Variants in OR10Z1 observed in about 807,000 individuals in gnomAD.
OR10Z1 encodes olfactory receptor family 10 subfamily Z member 1.
For missense variants in OR10Z1, 468 were observed against 371.0 expected (o/e 1.26, Z -2.15); for synonymous variants, 187 against 151.2 (o/e 1.24, Z -1.74).
chr1:158,605,576 C>T (rs1240152981), intron 1 of OR10Z1, among the ~76,000 whole-genome samples, 175 bp downstream of exon 1: 8 of 152,112 alleles, frequency 5.3e-5, no homozygotes, highest in Non-Finnish European at 1.0e-4. Context: ...CTACTCTGCC[C>T]AAGGAATTTG....
chr1:158,610,284 C>T lies in OR10Z1; in HGVS notation c.*2904C>T, dbSNP rs539170026. On this transcript the variant is annotated 3_prime_UTR_variant, in exon 2 of 2. Transcript: ENST00000641002. ...GTAAGTGGGGACTATTTGTGCAGAA[C>T]GCTAGCAGTTTTATACACAGCAATT... 10 of 152,194 alleles carry T rather than the reference C, an allele frequency of 6.6e-5. No homozygotes were observed. The highest frequency in any genetic ancestry group is 4.1e-4 in the South Asian group (2 of 4,824). The allele number at this position is 152,194 out of a possible 1,614,324, so 9.4% of individuals were successfully genotyped here. A position where few individuals can be genotyped will look rare whatever the true frequency, so the allele number is the denominator to read the frequency against.
Position 158,606,971 on chromosome 1 carries a change from T to G in OR10Z1, c.533T>G (p.Phe178Cys). The change falls in exon 2 of 2, where the codon TTT (phenylalanine) becomes TGT (cysteine). Residue 178 changes from phenylalanine to cysteine, a missense_variant. Coordinates refer to ENST00000641002, the MANE Select transcript of OR10Z1 (RefSeq NM_001004478.2). ...AGCTCCCATGAAATCCAGCACTTTTTTTGTGACACGCCACCTGTGCTGAGC... is the reference window on the plus strand; with the variant it reads ...AGCTCCCATGAAATCCAGCACTTTTGTTGTGACACGCCACCTGTGCTGAGC... ...FCSSHEIQHF[F>C]CDTPPVLSLA... 6.2e-7 allele frequency: 1 copy of G among 1,614,080 alleles called. No individual in the cohort carries two copies. The highest frequency in any genetic ancestry group is 8.5e-7 in the Non-Finnish European group (1 of 1,179,988).
chr1:158,607,153 T>C lies in OR10Z1; in HGVS notation c.715T>C (p.Ser239Pro), dbSNP rs1649077925. Reference protein sequence around the residue: ...PSAEGQKKAFSTCASHLTVVI... With the variant: ...PSAEGQKKAFPTCASHLTVVI... ...TGCTGAGGGGCAGAAGAAGGCCTTC[T>C]CCACTTGTGCCTCGCACCTTACAGT... The change falls in exon 2 of 2, where the codon TCC becomes CCC. Residue 239 changes from serine (S) to proline (P), a missense_variant. By Grantham distance (74) the Ser-to-Pro change is moderately conservative (BLOSUM62 -1). Transcript: ENST00000641002. 6.2e-7 allele frequency: 1 copy of C among 1,614,090 alleles called. No homozygotes were observed.
At chr1:158,605,453 T>C (rs570485202) in intron 1 of OR10Z1, 52 bp downstream of exon 1, 1 of 152,892 alleles carries the variant, frequency 6.5e-6, no homozygotes, top group South Asian at 2.1e-4. Context: ...GTAGAGTTTT[T>C]GGAGGCAGCA....
In OR10Z1 at chr1:158,607,400, C is replaced by G; in HGVS notation, c.*20C>G. On this transcript the variant is annotated 3_prime_UTR_variant, in exon 2 of 2. Transcript: ENST00000641002. ...GGATGAAGGTTACCCCAATAGGACA[C>G]TTTCTTCTGTGTAGGCTGGGCATAG... 6.3e-6 allele frequency: 10 copies of G among 1,584,564 alleles called. No homozygotes were observed. The highest frequency in any genetic ancestry group is 8.6e-6 in the Non-Finnish European group (10 of 1,157,308).
At position 158,608,275 on chromosome 1, in the gene OR10Z1, T is replaced by G. The variant is rs953401872; in HGVS notation, c.*895T>G. ...GAATCTATTGCAGAACTATCTATTC[T>G]GCCTATTCCACTTTCCACATATAAT... On this transcript the variant is annotated 3_prime_UTR_variant, in exon 2 of 2. Coordinates refer to ENST00000641002, the MANE Select transcript of OR10Z1 (RefSeq NM_001004478.2). The G allele has an allele frequency of 5.9e-5, 9 of 152,208 alleles. 1 individual carries two copies. Among genetic ancestry groups the G allele is most frequent in the African/African-American group, 1.4e-4 (6 of 41,452 alleles). The allele number at this position is 152,208 out of a possible 1,614,324, so 9.4% of individuals were successfully genotyped here. A position where few individuals can be genotyped will look rare whatever the true frequency, so the allele number is the denominator to read the frequency against.
At position 158,607,337 on chromosome 1, in the gene OR10Z1, C is replaced by T; in HGVS notation, c.899C>T (p.Ala300Val). 1.2e-6 allele frequency: 2 copies of T among 1,613,644 alleles called. No homozygotes were observed. The highest frequency in any genetic ancestry group is 1.7e-6 in the Non-Finnish European group (2 of 1,179,712). Reference sequence around the variant, plus strand: ...CTAAGGAATAGGGCTATACAGACAGCTCTGAGGAATGCTTTCAGAGGGAGA... The same window carrying T: ...CTAAGGAATAGGGCTATACAGACAGTTCTGAGGAATGCTTTCAGAGGGAGA... ...YSLRNRAIQT[A>V]LRNAFRGRLL... Residue 300 changes from alanine to valine, a missense_variant, in exon 2 of 2, where the codon GCT becomes GTT. Transcript: ENST00000641002.
In OR10Z1 at chr1:158,611,227, A is replaced by G. The variant is rs998043428; in HGVS notation, c.*3847A>G. On this transcript the variant is annotated 3_prime_UTR_variant, in exon 2 of 2. Coordinates refer to ENST00000641002, the MANE Select transcript of OR10Z1 (RefSeq NM_001004478.2). ...TTTGCCCCCCAGTAAATTTCCCACG[A>G]CACTAAGATTTTCTACGATCCACGA... The G allele has an allele frequency of 2.3e-5, 37 of 1,611,816 alleles. No homozygotes were observed. Among genetic ancestry groups the G allele is most frequent in the Non-Finnish European group, 3.1e-5 (36 of 1,178,684 alleles).
rs780951794 is a variant in OR10Z1 at position 158,606,697 on chromosome 1, G to T, written c.259G>T (p.Gly87Trp). ...CCCTAGAATGCTCTCTGGCCTGGCT[G>T]GGGGGGACCAGGCTATCTCCTATGT... ...IIPRMLSGLAGGDQAISYVGC... is the reference protein window; with the variant it reads ...IIPRMLSGLAWGDQAISYVGC... Residue 87 changes from glycine (G) to tryptophan (W), a missense_variant, in exon 2 of 2, where the codon GGG (glycine) becomes TGG (tryptophan). Transcript: ENST00000641002. 12 of 1,613,580 alleles carry T rather than the reference G, an allele frequency of 7.4e-6. No homozygotes were observed. The East Asian group carries it at 1.1e-4, about 15-fold the overall frequency.
Position 158,606,457 on chromosome 1 carries a change from ACCT to A in OR10Z1, c.23_25del (p.Ser8del), listed in dbSNP as rs763460505. 7 of 1,612,952 alleles carry A rather than the reference ACCT, an allele frequency of 4.3e-6. No homozygotes were observed. In the Admixed American group the frequency reaches 5.0e-5, roughly 12 times the overall value. ...TCTCAGAATGGGGCAGACCAACGTA[ACCT>A]CCTGGAGGGATTTTGTCTTCCTGGG... On this transcript the variant is annotated inframe_deletion, in exon 2 of 2. Transcript: ENST00000641002.
In OR10Z1 at chr1:158,606,550, A is replaced by C; in HGVS notation, c.112A>C (p.Thr38Pro). Residue 38 changes from threonine to proline, a missense_variant, in exon 2 of 2, where the codon ACT becomes CCT. Physicochemically the swap from Thr to Pro is conservative, Grantham distance 38. Transcript: ENST00000641002. ...FALFLSLYLV[T>P]LTSNVFIIIA... is the part of the protein sequence containing the mutation. ...CTTGTTCCTCTCTCTGTATCTAGTC[A>C]CTCTGACCAGCAATGTCTTCATTAT... is the stretch of plus-strand genomic sequence containing the variant. 1 of 1,613,526 alleles carries C rather than the reference A, an allele frequency of 6.2e-7. No homozygotes were observed.
rs757743560 is a variant in OR10Z1 at position 158,606,560 on chromosome 1, G to A, written c.122G>A (p.Ser41Asn). 3.1e-6 allele frequency: 5 copies of A among 1,613,918 alleles called. No individual in the cohort carries two copies. The Admixed American group carries it at 8.3e-5, about 27-fold the overall frequency. Residue 41 changes from serine (S) to asparagine (N), a missense_variant, in exon 2 of 2, where the codon AGC becomes AAC. Transcript: ENST00000641002. ...FLSLYLVTLT[S>N]NVFIIIAIRL... ...TCTCTGTATCTAGTCACTCTGACCAGCAATGTCTTCATTATCATAGCCATC... is the reference window on the plus strand; with the variant it reads ...TCTCTGTATCTAGTCACTCTGACCAACAATGTCTTCATTATCATAGCCATC...
chr1:158,606,723 G>A lies in OR10Z1; in HGVS notation c.285G>A (p.Val95=). The A allele has an allele frequency of 6.2e-7, 1 of 1,614,032 alleles. No homozygotes were observed. The highest frequency in any genetic ancestry group is 1.1e-5 in the South Asian group (1 of 91,078). Residue 95 remains valine (V), a synonymous_variant, in exon 2 of 2, where the codon GTG becomes GTA. Coordinates refer to ENST00000641002, the MANE Select transcript of OR10Z1 (RefSeq NM_001004478.2). ...GGGGGGACCAGGCTATCTCCTATGTGGGCTGTGCTGCCCAGATGTTCTTTT... is the reference window on the plus strand; with the variant it reads ...GGGGGGACCAGGCTATCTCCTATGTAGGCTGTGCTGCCCAGATGTTCTTTT... ...LAGGDQAISY[V]GCAAQMFFSA...
rs1649112909 is a variant in OR10Z1, at chr1:158,608,291, C to T, written c.*911C>T. The T allele has an allele frequency of 1.3e-5, 2 of 152,046 alleles. No homozygotes were observed. Among genetic ancestry groups the T allele is most frequent in the African/African-American group, 4.8e-5 (2 of 41,380 alleles). The allele number at this position is 152,046 out of a possible 1,614,324, so 9.4% of individuals were successfully genotyped here. On this transcript the variant is annotated 3_prime_UTR_variant, in exon 2 of 2. Transcript: ENST00000641002. ...TATCTATTCTGCCTATTCCACTTTCCACATATAATGTGGTTATATATAGCG... is the reference window on the plus strand; with the variant it reads ...TATCTATTCTGCCTATTCCACTTTCTACATATAATGTGGTTATATATAGCG...
Position 158,611,169 on chromosome 1 carries a change from G to C in OR10Z1, c.*3789G>C, listed in dbSNP as rs995337947. ...CACACACACACACACACACACACGA[G>C]GCCATCTTTATCTTCCACATTTGCC... On this transcript the variant is annotated 3_prime_UTR_variant, in exon 2 of 2. Coordinates refer to ENST00000641002, the MANE Select transcript of OR10Z1 (RefSeq NM_001004478.2). The C allele has an allele frequency of 9.6e-7, 1 of 1,045,722 alleles. No individual in the cohort carries two copies. Among genetic ancestry groups the C allele is most frequent in the Non-Finnish European group, 1.4e-6 (1 of 718,276 alleles). 64.8% of individuals were successfully genotyped at this position (1,045,722 alleles called of 1,614,324 possible). A position where few individuals can be genotyped will look rare whatever the true frequency, so the allele number is the denominator to read the frequency against.
In OR10Z1 at chr1:158,611,016, G is replaced by T; in HGVS notation, c.*3636G>T. 2.0e-6 allele frequency: 1 copy of T among 497,214 alleles called. No individual in the cohort carries two copies. Among genetic ancestry groups the T allele is most frequent in the Non-Finnish European group, 3.7e-6 (1 of 273,180 alleles). 30.8% of individuals were successfully genotyped at this position (497,214 alleles called of 1,614,324 possible). On this transcript the variant is annotated 3_prime_UTR_variant, in exon 2 of 2. Coordinates refer to ENST00000641002, the MANE Select transcript of OR10Z1 (RefSeq NM_001004478.2). ...ATAGAAACTTTGACACCCCTCAGCA[G>T]TGACTAGTTGCATACAAAATAGCTT...
At position 158,606,574 on chromosome 1, in the gene OR10Z1, A is replaced by G. The variant is rs772416906; in HGVS notation, c.136A>G (p.Ile46Val). Residue 46 changes from isoleucine to valine, a missense_variant, in exon 2 of 2, where the codon ATC becomes GTC. By Grantham distance (29) the Ile-to-Val change is conservative. Transcript: ENST00000641002. ...LVTLTSNVFI[I>V]IAIRLDSHLH... ...CACTCTGACCAGCAATGTCTTCATT[A>G]TCATAGCCATCAGGCTGGATAGCCA... 6.2e-7 allele frequency: 1 copy of G among 1,613,870 alleles called. No individual in the cohort carries two copies. The highest frequency in any genetic ancestry group is 1.3e-5 in the African/African-American group (1 of 74,878).
Position 158,612,020 on chromosome 1 carries a change from C to G in OR10Z1, c.*4640C>G, listed in dbSNP as rs1649287473. On this transcript the variant is annotated 3_prime_UTR_variant, in exon 2 of 2. Coordinates refer to ENST00000641002, the MANE Select transcript of OR10Z1 (RefSeq NM_001004478.2). ...TAAAGAATTGCACCTTTAATGTGTA[C>G]AGTTTGATGAGTTTAGACAATTGGA... is the stretch of plus-strand genomic sequence containing the variant. 6.4e-6 allele frequency: 1 copy of G among 155,252 alleles called. No homozygotes were observed. 9.6% of individuals were successfully genotyped at this position (155,252 alleles called of 1,614,324 possible).
Position 158,611,131 on chromosome 1 carries a change from G to GCGCA in OR10Z1, c.*3752_*3753insGCAC, listed in dbSNP as rs879208333. ...AAATGTAATATGCACACAAACACAA[G>GCGCA]CACACACACACACACACACACACAC... On this transcript the variant is annotated 3_prime_UTR_variant, in exon 2 of 2. Transcript: ENST00000641002. 1.6e-5 allele frequency: 11 copies of GCGCA among 671,324 alleles called. No individual in the cohort carries two copies. Among genetic ancestry groups the GCGCA allele is most frequent in the African/African-American group, 7.5e-5 (4 of 53,400 alleles). 41.6% of individuals were successfully genotyped at this position (671,324 alleles called of 1,614,324 possible). A position where few individuals can be genotyped will look rare whatever the true frequency, so the allele number is the denominator to read the frequency against.
Sources: allele counts gnomAD v4.1 joint callset (sites outside exome capture counted in the v4.1 genomes callset), GRCh38; gene constraint gnomAD v4.1.1; transcripts MANE v1.5; gene names NCBI Gene and HGNC (gene_info 2026-07-23, HGNC 2026-07-21).